The following HRG variants were observed in gnomAD, a reference collection of about 807,000 sequenced individuals.
The protein encoded by HRG is histidine rich glycoprotein.
HRG carries 26 observed loss-of-function variants against 29.5 expected under a neutral mutation model. The ratio of observed to expected loss-of-function variants is 0.88; its 90% confidence interval spans 0.65 to 1.22. HRG has a LOEUF of 1.22. HRG is among the 50% of genes most tolerant of loss of function. The pLI, the probability that HRG is intolerant of heterozygous loss-of-function variation, is 0.00. For synonymous variants in HRG, 243 were observed against 240.4 expected (o/e 1.01, Z -0.10); for missense variants, 671 against 654.5 (o/e 1.03, Z -0.28).
Position 186,675,182 on chromosome 3 carries a change from G to A in HRG, c.733G>A (p.Asp245Asn), listed in dbSNP as rs201213205. ...KNLVINCEVF[D>N]PQEHENINGV... is the part of the protein sequence containing the mutation. Reference sequence around the variant, plus strand: ...CCTTGTCATAAACTGTGAAGTCTTCGACCCTCAGGTGGGTTGTCTAAGCAG... The same window carrying A: ...CCTTGTCATAAACTGTGAAGTCTTCAACCCTCAGGTGGGTTGTCTAAGCAG... The change falls in exon 6 of 7, where the codon GAC becomes AAC. Residue 245 changes from aspartate to asparagine, a missense_variant. Transcript: ENST00000232003. 1.5e-5 allele frequency: 24 copies of A among 1,610,964 alleles called. No homozygotes were observed. Among genetic ancestry groups the A allele is most frequent in the South Asian group, 3.3e-5 (3 of 90,988 alleles).
At chr3:186,671,081 C>A (rs548728577) in intron 3 of HRG, among the ~76,000 whole-genome samples, 6 of 151,256 alleles carry the variant, frequency 4.0e-5, no homozygotes, top group African/African-American at 1.5e-4. Context: ...TGGCCTGGTG[C>A]GGTGGCTCAC....
chr3:186,677,509 C>T lies in HRG; in HGVS notation c.1204C>T (p.His402Tyr), dbSNP rs750425071. The change falls in exon 7 of 7, where the codon CAT becomes TAT. Residue 402 changes from histidine to tyrosine, a missense_variant. Transcript: ENST00000232003. The part of the protein sequence containing the change: ...HGHHPHGHHP[H>Y]GHHPHCHDFQ... ...ACACCACCCCCATGGACACCATCCC[C>T]ATGGACACCATCCCCACTGCCATGA... 3.1e-6 allele frequency: 5 copies of T among 1,606,812 alleles called. No individual in the cohort carries two copies. Among genetic ancestry groups the T allele is most frequent in the East Asian group, 2.3e-5 (1 of 44,396 alleles).
At chr3:186,672,756 C>A in intron 4 of HRG, 31 bp from the exon 5 acceptor site, 4 of 1,449,094 alleles carry the variant, frequency 2.8e-6, no homozygotes, top group Non-Finnish European at 3.9e-6. Context: ...TTTGTCTGTT[C>A]TTGAAACTAT....
Position 186,671,650 on chromosome 3 carries a change from A to G in HRG, c.419A>G (p.Asp140Gly). The change falls in exon 4 of 7, where the codon GAT becomes GGT. Residue 140 changes from aspartate to glycine, a missense_variant. Coordinates refer to ENST00000232003, the MANE Select transcript of HRG (RefSeq NM_000412.5). ...SVSSALANTK[D>G]SPVLIDFFED... ...TCTTCAGCACTGGCCAATACCAAAG[A>G]TAGTCCGGTCCTCATAGATTTCTTT... The G allele has an allele frequency of 6.2e-7, 1 of 1,614,112 alleles. No individual in the cohort carries two copies. Among genetic ancestry groups the G allele is most frequent in the Non-Finnish European group, 8.5e-7 (1 of 1,179,962 alleles).
chr3:186,669,839 G>T, intron 2 of HRG, 99 bp from the exon 3 acceptor site: 1 of 771,098 alleles, frequency 1.3e-6, no homozygotes, highest in Admixed American at 1.7e-5. Context: ...TAAATGAACA[G>T]TAGGAGGATG....
At position 186,675,304 on chromosome 3, in the gene HRG, TGTGTGAGAGA is replaced by T. The variant is rs1718941969; in HGVS notation, c.741+116_741+125del. 2.0e-5 allele frequency: 10 copies of T among 487,816 alleles called. No individual in the cohort carries two copies. The East Asian group carries it at 2.4e-4, about 12-fold the overall frequency. 30.2% of individuals were successfully genotyped at this position (487,816 alleles called of 1,614,324 possible). On this transcript the variant is annotated intron_variant, in intron 6 of 6. Coordinates refer to ENST00000232003, the MANE Select transcript of HRG (RefSeq NM_000412.5). ...GAGTGGGTGTGTGTGTGTGTGTGTGTGTGTGAGAGAGAGAGAGAGAGAGAGAGACAGAGAC... is the reference window on the plus strand; with the variant it reads ...GAGTGGGTGTGTGTGTGTGTGTGTGTGAGAGAGAGAGAGAGAGACAGAGAC...
At chr3:186,668,038 T>C (rs1357499529) in intron 1 of HRG, among the ~76,000 whole-genome samples, 1 of 152,164 alleles carries the variant, frequency 6.6e-6, no homozygotes, top group East Asian at 1.9e-4. Context: ...AGGGAGGCAC[T>C]GTGGGTTGCA....
rs145843676 is a variant in HRG, at chr3:186,668,313, CA to C, written c.184-620del. 3.1e-3 allele frequency among the ~76,000 whole-genome samples: 470 copies of C among 152,116 alleles called. 3 individuals are homozygous for C. The highest frequency in any genetic ancestry group is 4.7e-3 in the Non-Finnish European group (317 of 68,006). On this transcript the variant is annotated intron_variant, in intron 1 of 6. Transcript: ENST00000232003. ...AGACCTGGGTTAGTGGGAGTCAGGG[CA>C]ATGAGACTGAGGAATAGACATGAGA...
rs374829693 is a variant in HRG at position 186,671,717 on chromosome 3, T to C, written c.486T>C (p.Leu162=). The change falls in exon 4 of 7, where the codon CTT becomes CTC. Residue 162 remains leucine (L), a synonymous_variant. Transcript: ENST00000232003. The part of the protein sequence containing the change: ...ERYRKQANKA[L]EKYKEENDDF... ...ACAGAAAACAAGCCAACAAAGCCCT[T>C]GAGAAGTACAAAGAGGAGAATGATG... 1 of 1,613,636 alleles carries C rather than the reference T, an allele frequency of 6.2e-7. No homozygotes were observed. Among genetic ancestry groups the C allele is most frequent in the Non-Finnish European group, 8.5e-7 (1 of 1,179,772 alleles).
chr3:186,671,815 G>T (rs1484008130), intron 4 of HRG, 26 bp downstream of exon 4: 1 of 1,609,218 alleles, frequency 6.2e-7, no homozygotes, highest in South Asian at 1.1e-5. Context: ...GGTTCGGTTG[G>T]AGTCTGAAGG....
At chr3:186,669,284 G>C (rs1718710521) in intron 2 of HRG, among the ~76,000 whole-genome samples, 1 of 152,142 alleles carries the variant, frequency 6.6e-6, no homozygotes, top group African/African-American at 2.4e-5. Context: ...ACCAGCTGTG[G>C]GTCCTTGGGT....
intron 1 of HRG, among the ~76,000 whole-genome samples, chr3:186,666,689 C>T (rs774802966): frequency 1.4e-4 from 21 of 151,870 alleles, no homozygotes; most frequent in East Asian, 1.9e-4. Context: ...CCAAGGCGGA[C>T]GGATCATGAG....
intron 1 of HRG, among the ~76,000 whole-genome samples, chr3:186,668,239 C>T (rs1718673546): frequency 6.6e-6 from 1 of 152,030 alleles, no homozygotes; most frequent in Non-Finnish European, 1.5e-5. Context: ...GAGACAGGGA[C>T]ATGAAGTAGA....
Position 186,677,693 on chromosome 3 carries a change from C to T in HRG, c.1388C>T (p.Pro463Leu), listed in dbSNP as rs372674732. ...RQIGSVYRLP[P>L]LRKGEVLPLP... ...ATTGGATCTGTGTACCGACTCCCTC[C>T]TCTAAGAAAAGGTGAGGTGCTGCCA... Residue 463 changes from proline (P) to leucine (L), a missense_variant, in exon 7 of 7, where the codon CCT becomes CTT. Coordinates refer to ENST00000232003, the MANE Select transcript of HRG (RefSeq NM_000412.5). 6 of 1,612,396 alleles carry T rather than the reference C, an allele frequency of 3.7e-6. No individual in the cohort carries two copies. In the African/African-American group the frequency reaches 5.3e-5, roughly 14 times the overall value.
chr3:186,672,747 TTGTC>T (rs1718842109), intron 4 of HRG, 36 bp from the exon 5 acceptor site: 4 of 1,362,102 alleles, frequency 2.9e-6, no homozygotes, highest in Non-Finnish European at 4.2e-6. Flanking sequence ...TCCTTTTTCT[TTGTC>T]TGTTCTTGAA....
At chr3:186,673,362 A>ATTACAAATCAAAGTGCTGGGG (rs1718868797) in intron 5 of HRG, 1 of 215,106 alleles carries the variant, frequency 4.6e-6, no homozygotes, top group Non-Finnish European at 9.4e-6. Context: ...TTCGGCTGGG[A>ATTACAAATCAAAGTGCTGGGG]TTACAAATCA....
chr3:186,671,031 C>A (rs1399994860), intron 3 of HRG, among the ~76,000 whole-genome samples: 1 of 151,652 alleles, frequency 6.6e-6, no homozygotes, highest in Non-Finnish European at 1.5e-5. Context: ...GCTCTGTCTT[C>A]CCCCTTGGCA....
At position 186,671,672 on chromosome 3, in the gene HRG, C is replaced by A. The variant is rs764549526; in HGVS notation, c.441C>A (p.Phe147Leu). 9.9e-6 allele frequency: 16 copies of A among 1,613,950 alleles called. No individual in the cohort carries two copies. The East Asian group carries it at 2.2e-4, about 22-fold the overall frequency. ...AAGATAGTCCGGTCCTCATAGATTTCTTTGAGGATACTGAGCGCTACAGAA... is the reference window on the plus strand; with the variant it reads ...AAGATAGTCCGGTCCTCATAGATTTATTTGAGGATACTGAGCGCTACAGAA... ...NTKDSPVLID[F>L]FEDTERYRKQ... Residue 147 changes from phenylalanine to leucine, a missense_variant, in exon 4 of 7, where the codon TTC becomes TTA. Phe to Leu is a conservative substitution (Grantham distance 22). Transcript: ENST00000232003.
chr3:186,668,253 C>T (rs1579073110), intron 1 of HRG, among the ~76,000 whole-genome samples: 1 of 152,096 alleles, frequency 6.6e-6, no homozygotes, highest in East Asian at 1.9e-4. Context: ...AAGTAGAAAG[C>T]TATTTATGTA....
Sources: gnomAD v4.1 joint callset for allele counts (sites outside exome capture counted in the v4.1 genomes callset) on GRCh38, gnomAD v4.1.1 for gene constraint, MANE v1.5 for transcripts, NCBI Gene and HGNC (gene_info 2026-07-23, HGNC 2026-07-21) for gene names.